NBAS: variants seen among roughly 807,000 people sequenced by gnomAD.
NBAS encodes NBAS subunit of NRZ tethering complex.
A neutral mutation model predicts 302.5 loss-of-function variants in NBAS; 219 were observed. The observed-to-expected ratio is 0.72, with a 90% CI of 0.65 to 0.81. NBAS has a LOEUF of 0.81. NBAS is among the 30% of genes least tolerant of loss of function. NBAS has a pLI of 0.00. For synonymous variants in NBAS, 1,118 were observed against 1,021.6 expected, an observed-to-expected ratio of 1.09 and a Z score of -1.80; for missense variants, 2,932 against 2,841.6, an observed-to-expected ratio of 1.03 and a Z score of -0.72.
At chr2:15,026,781 CTTTAA>C in the NBAS span, among the ~76,000 whole-genome samples, 1 of 152,108 alleles carries the variant, frequency 6.6e-6, no homozygotes, top group Non-Finnish European at 1.5e-5. Flanking sequence ...GCATTTAACT[CTTTAA>C]TTTATCTGAA....
At chr2:15,336,141 T>C (rs1672574002) in intron 35 of NBAS, among the ~76,000 whole-genome samples, 1 of 152,020 alleles carries the variant, frequency 6.6e-6, no homozygotes, top group East Asian at 1.9e-4. Context: ...CAAAAAGATG[T>C]TCTAAGTTTT....
chr2:15,228,401 T>G (rs1176173660), intron 47 of NBAS, among the ~76,000 whole-genome samples: 1 of 152,120 alleles, frequency 6.6e-6, no homozygotes, highest in African/African-American at 2.4e-5. Context: ...GGAACATAAA[T>G]TAGTCGCTGT....
chr2:14,975,641 C>T, the NBAS span, among the ~76,000 whole-genome samples: 1 of 152,154 alleles, frequency 6.6e-6, no homozygotes, highest in African/African-American at 2.4e-5. Flanking sequence ...ACTGTCAATG[C>T]ACTCCTTGCA....
chr2:15,217,086 C>T (rs1396606204), intron 48 of NBAS, among the ~76,000 whole-genome samples: 2 of 152,212 alleles, frequency 1.3e-5, no homozygotes, highest in Non-Finnish European at 2.9e-5. Context: ...AACTTCTATG[C>T]CCTGTACCGG....
chr2:15,531,309 T>C (rs1001039980), intron 9 of NBAS, among the ~76,000 whole-genome samples: 3 of 152,020 alleles, frequency 2.0e-5, no homozygotes, highest in African/African-American at 4.8e-5. Context: ...TCCAAGACAA[T>C]AGCTATATGG....
the NBAS span, among the ~76,000 whole-genome samples, chr2:14,864,462 T>C: frequency 2.0e-4 from 31 of 152,172 alleles, no homozygotes; most frequent in African/African-American, 7.5e-4. Flanking sequence ...ACAGCGAATA[T>C]CCAAGTCCCA....
chr2:15,297,937 G>A (rs896751449), intron 40 of NBAS, among the ~76,000 whole-genome samples: 2 of 152,010 alleles, frequency 1.3e-5, no homozygotes, highest in Non-Finnish European at 2.9e-5. Flanking sequence ...TATTTGAGCC[G>A]CTTGCTTTTT....
At chr2:15,412,858 G>A (rs751703143) in intron 25 of NBAS, among the ~76,000 whole-genome samples, 7 of 152,048 alleles carry the variant, frequency 4.6e-5, no homozygotes, top group Admixed American at 6.6e-5. Context: ...TTGACTACAC[G>A]AATCACACAA....
At chr2:15,351,090 A>G (rs913753712) in intron 35 of NBAS, among the ~76,000 whole-genome samples, 2 of 152,180 alleles carry the variant, frequency 1.3e-5, no homozygotes, top group Non-Finnish European at 2.9e-5. Flanking sequence ...ACCAAGGTCA[A>G]TCAGTGTTCA....
At chr2:15,525,003 T>C (rs997860784) in intron 9 of NBAS, among the ~76,000 whole-genome samples, 3 of 152,124 alleles carry the variant, frequency 2.0e-5, no homozygotes, top group Non-Finnish European at 4.4e-5. Flanking sequence ...ATCCTTAAGG[T>C]GGATTTAAGC....
intron 16 of NBAS, among the ~76,000 whole-genome samples, chr2:15,472,242 T>C (rs985382714): frequency 6.6e-6 from 1 of 152,130 alleles, no homozygotes; most frequent in African/African-American, 2.4e-5. Context: ...TTGGTTCTTT[T>C]CTTCTTGCTC....
At chr2:15,290,209 G>A (rs1433800771) in intron 41 of NBAS, among the ~76,000 whole-genome samples, 1 of 152,040 alleles carries the variant, frequency 6.6e-6, no homozygotes, top group South Asian at 2.1e-4. Context: ...AGGTGATGCT[G>A]CAAACGGAAG....
intron 9 of NBAS, among the ~76,000 whole-genome samples, chr2:15,528,886 T>TATATATATGTGTGC (rs1663074741): frequency 2.3e-4 from 12 of 52,110 alleles, no homozygotes; most frequent in South Asian, 1.8e-3. Context: ...AAAATATATA[T>TATATATATGTGTGC]ATATATATAT....
At chr2:15,410,484 C>CT (rs901429094) in intron 25 of NBAS, among the ~76,000 whole-genome samples, 1 of 152,098 alleles carries the variant, frequency 6.6e-6, no homozygotes, top group African/African-American at 2.4e-5. Context: ...TATTTCATCC[C>CT]TTTTTTTCTT....
At chr2:15,193,637 C>T (rs181408984) in intron 48 of NBAS, among the ~76,000 whole-genome samples, 56 of 151,822 alleles carry the variant, frequency 3.7e-4, no homozygotes, top group Non-Finnish European at 6.0e-4. Context: ...AGAAAATGGG[C>T]CTAAAATTAG....
chr2:15,398,296 A>G (rs1410143922), intron 26 of NBAS, among the ~76,000 whole-genome samples: 1 of 152,092 alleles, frequency 6.6e-6, no homozygotes, highest in Non-Finnish European at 1.5e-5. Flanking sequence ...GCTGTACGCT[A>G]CCAAACCCAG....
At chr2:15,158,696 A>G in the NBAS span, among the ~76,000 whole-genome samples, 3 of 152,088 alleles carry the variant, frequency 2.0e-5, 1 homozygote, top group South Asian at 6.2e-4. Flanking sequence ...GTGGGGCTCG[A>G]CTTTCCTCAC....
chr2:15,429,981 T>C (rs1298259842), intron 21 of NBAS, among the ~76,000 whole-genome samples: 1 of 152,182 alleles, frequency 6.6e-6, no homozygotes, highest in Non-Finnish European at 1.5e-5. Context: ...AAGAATAAAT[T>C]ACAGCAATGA....
the NBAS span, among the ~76,000 whole-genome samples, chr2:14,881,670 C>T: frequency 6.6e-6 from 1 of 152,196 alleles, no homozygotes; most frequent in Non-Finnish European, 1.5e-5. Context: ...CAGCCAGGGC[C>T]TGTGGGCTAA....
Sources: gnomAD v4.1 joint callset for allele counts (sites outside exome capture counted in the v4.1 genomes callset) on GRCh38, gnomAD v4.1.1 for gene constraint, MANE v1.5 for transcripts, NCBI Gene and HGNC (gene_info 2026-07-23, HGNC 2026-07-21) for gene names.